Variants in FRMPD4 observed in about 807,000 individuals in gnomAD.
FRMPD4 encodes FERM and PDZ domain containing 4.
A neutral mutation model predicts 94.1 loss-of-function variants in FRMPD4; 22 were observed. That is an observed-to-expected ratio of 0.23 (90% CI 0.17 to 0.33). The LOEUF is 0.33. Among genes scored for constraint, FRMPD4 ranks in the 10% least tolerant of loss-of-function variants. The pLI is 1.00. For missense variants in FRMPD4, 1,111 were observed against 1,339.9 expected, an observed-to-expected ratio of 0.83 and a Z score of 2.67; for synonymous variants, 631 against 548.6, an observed-to-expected ratio of 1.15 and a Z score of -2.10.
intron 3 of FRMPD4, among the ~76,000 whole-genome samples, chrX:12,109,483 A>T (rs1390253367): frequency 1.9e-4 from 21 of 112,234 alleles, no homozygotes; most frequent in African/African-American, 6.5e-4. Flanking sequence ...AAAGATCTAA[A>T]ATCAAGACCC....
chrX:12,299,906 A>C (rs1270338195), intron 1 of FRMPD4, among the ~76,000 whole-genome samples: 2 of 112,412 alleles, frequency 1.8e-5, no homozygotes, highest in Non-Finnish European at 3.8e-5. Flanking sequence ...AAAGAAAGGA[A>C]AGGTTTCTTA....
chrX:11,933,606 ATTGTTTCTC>A (rs2147353899), intron 3 of FRMPD4, among the ~76,000 whole-genome samples: 2 of 112,694 alleles, frequency 1.8e-5, no homozygotes, highest in South Asian at 7.3e-4. Context: ...CAAAAATGTC[ATTGTTTCTC>A]AATGCTTCCA....
chrX:12,600,483 CTGT>C (rs754745127), intron 2 of FRMPD4, among the ~76,000 whole-genome samples: 3 of 112,255 alleles, frequency 2.7e-5, no homozygotes, highest in East Asian at 5.5e-4. Context: ...AATCAAATAA[CTGT>C]TGTTATGTCT....
At chrX:12,384,290 T>A (rs781615393) in intron 1 of FRMPD4, among the ~76,000 whole-genome samples, 181 of 111,582 alleles carry the variant, frequency 1.6e-3, no homozygotes, top group Admixed American at 6.4e-3. Flanking sequence ...CCAAGGTGGG[T>A]GGATCATTTG....
At chrX:12,241,626 AC>A (rs768343603) in intron 1 of FRMPD4, among the ~76,000 whole-genome samples, 1 of 111,808 alleles carries the variant, frequency 8.9e-6, no homozygotes, top group Non-Finnish European at 1.9e-5. Context: ...AAGGCCTGGC[AC>A]ACTGGCTCAC....
chrX:12,006,782 A>C (rs2054556303), intron 3 of FRMPD4, among the ~76,000 whole-genome samples: 1 of 112,048 alleles, frequency 8.9e-6, no homozygotes, highest in Admixed American at 9.5e-5. Flanking sequence ...CTCAAAGAGA[A>C]GGAATTCTAA....
chrX:11,887,918 G>A (rs1172332721), intron 3 of FRMPD4, among the ~76,000 whole-genome samples: 1 of 112,225 alleles, frequency 8.9e-6, no homozygotes, highest in Non-Finnish European at 1.9e-5. Context: ...GGAGTTTTGA[G>A]AAGTTGCCTA....
At chrX:12,483,099 G>T (rs1218636586) in intron 1 of FRMPD4, among the ~76,000 whole-genome samples, 3 of 112,444 alleles carry the variant, frequency 2.7e-5, no homozygotes, top group Admixed American at 1.9e-4. Context: ...AATTCATTGT[G>T]GCCTCTCTTG....
intron 3 of FRMPD4, among the ~76,000 whole-genome samples, chrX:12,038,109 A>G (rs2054730201): frequency 8.9e-6 from 1 of 112,193 alleles, no homozygotes; most frequent in Admixed American, 9.5e-5. Context: ...TAGTATTTTG[A>G]CATATAATTT....
chrX:11,847,777 C>G (rs1195659267), intron 1 of FRMPD4, among the ~76,000 whole-genome samples: 2 of 103,669 alleles, frequency 1.9e-5, no homozygotes, highest in African/African-American at 7.1e-5. Flanking sequence ...TAAACTATCG[C>G]AAGAACAAAA....
chrX:12,084,836 G>A (rs1466470504), intron 3 of FRMPD4, among the ~76,000 whole-genome samples: 2 of 112,304 alleles, frequency 1.8e-5, no homozygotes, highest in Non-Finnish European at 3.8e-5. Context: ...GATTTGGACA[G>A]GAGAATATGC....
intron 1 of FRMPD4, among the ~76,000 whole-genome samples, chrX:12,378,509 C>G (rs181097948): frequency 8.9e-6 from 1 of 112,352 alleles, no homozygotes; most frequent in East Asian, 2.8e-4. Flanking sequence ...TCAAATGCCA[C>G]TTGGGGGTGA....
In FRMPD4 at chrX:12,549,357, G is replaced by A. The variant is rs1456700154; in HGVS notation, c.158+50561G>A. On this transcript the variant is annotated intron_variant, in intron 2 of 16. Coordinates refer to ENST00000675598, the MANE Select transcript of FRMPD4 (RefSeq NM_001368397.1). ...AAAATTGTCATTTAATTCACAGAGTGGATTCCTAAAATGTGCACACTCAAA... is the reference window on the plus strand; with the variant it reads ...AAAATTGTCATTTAATTCACAGAGTAGATTCCTAAAATGTGCACACTCAAA... Among the ~76,000 whole-genome samples, 3 of 111,656 alleles carry A rather than the reference G, an allele frequency of 2.7e-5. No homozygotes were observed. In the East Asian group the frequency reaches 8.4e-4, roughly 31 times the overall value.
At chrX:12,011,349 T>C (rs191225207) in intron 3 of FRMPD4, among the ~76,000 whole-genome samples, 33 of 111,946 alleles carry the variant, frequency 2.9e-4, no homozygotes, top group African/African-American at 1.1e-3. Context: ...GAACTAACTT[T>C]CTAGAGCTAC....
chrX:12,558,594 T>C (rs1199383841), intron 2 of FRMPD4, among the ~76,000 whole-genome samples: 3 of 112,455 alleles, frequency 2.7e-5, no homozygotes, highest in Non-Finnish European at 5.6e-5. Flanking sequence ...ATCATAGATG[T>C]TGACTCTTTT....
chrX:11,884,375 C>T (rs1298683682), intron 3 of FRMPD4, among the ~76,000 whole-genome samples: 1 of 111,891 alleles, frequency 8.9e-6, no homozygotes, highest in Admixed American at 9.5e-5. Flanking sequence ...TTTGGTTACA[C>T]TCAGTTTTAT....
At chrX:12,320,079 A>G (rs902316261) in intron 1 of FRMPD4, among the ~76,000 whole-genome samples, 3 of 112,125 alleles carry the variant, frequency 2.7e-5, no homozygotes, top group Non-Finnish European at 5.6e-5. Context: ...ATCAGCATTT[A>G]TAAAGCATTT....
chrX:12,415,213 G>A (rs1463155981), intron 1 of FRMPD4, among the ~76,000 whole-genome samples: 10 of 111,662 alleles, frequency 9.0e-5, no homozygotes, highest in South Asian at 3.8e-4. Flanking sequence ...TGGAATCATC[G>A]TGGAGGCACA....
chrX:12,635,884 T>C (rs1179059700), intron 4 of FRMPD4, among the ~76,000 whole-genome samples: 2 of 111,423 alleles, frequency 1.8e-5, no homozygotes, highest in East Asian at 2.8e-4. Flanking sequence ...CATGTTCCCA[T>C]CACCCAACTT....
Sources: allele counts gnomAD v4.1 joint callset (sites outside exome capture counted in the v4.1 genomes callset), GRCh38; gene constraint gnomAD v4.1.1; transcripts MANE v1.5; gene names NCBI Gene and HGNC (gene_info 2026-07-23, HGNC 2026-07-21).